The following GALNT10 variants were observed in gnomAD, a reference collection of about 807,000 sequenced individuals.
GALNT10 encodes the protein polypeptide N-acetylgalactosaminyltransferase 10.
In GALNT10, 41 loss-of-function variants were observed where a neutral mutation model predicts 75.0. That is an observed-to-expected ratio of 0.55 (90% CI 0.43 to 0.71). The LOEUF is 0.71. Ranked by LOEUF, GALNT10 falls within the 30% of genes least tolerant of loss-of-function variation. The pLI is 0.00. For missense variants in GALNT10, 727 were observed against 818.5 expected (o/e 0.89, Z 1.36); for synonymous variants, 302 against 313.0 (o/e 0.96, Z 0.37).
At chr5:154,275,672 C>T (rs1753938903) in intron 1 of GALNT10, among the ~76,000 whole-genome samples, 1 of 152,230 alleles carries the variant, frequency 6.6e-6, no homozygotes, top group African/African-American at 2.4e-5. Context: ...ATTCGCATGA[C>T]TGGTGAGGTG....
intron 1 of GALNT10, chr5:154,287,553 A>G (rs1339157258): frequency 6.6e-6 from 1 of 152,020 alleles, no homozygotes; most frequent in Non-Finnish European, 1.5e-5. Flanking sequence ...TATCTATCGA[A>G]TTTATCTGTA....
intron 3 of GALNT10, among the ~76,000 whole-genome samples, chr5:154,300,882 T>C (rs2113082292): frequency 6.6e-6 from 1 of 152,320 alleles, no homozygotes; most frequent in East Asian, 1.9e-4. Flanking sequence ...GGGTGCTATC[T>C]ACAGCCTCTG....
Position 154,416,148 on chromosome 5 carries a change from A to G in GALNT10, c.1653+216A>G, listed in dbSNP as rs1172833630. Among the ~76,000 whole-genome samples, 1 of 152,228 alleles carries G rather than the reference A, an allele frequency of 6.6e-6. No homozygotes were observed. The highest frequency in any genetic ancestry group is 1.5e-5 in the Non-Finnish European group (1 of 68,042). The stretch of plus-strand genomic sequence containing the variant: ...TGTTGGCAACTGATTCCATTTAAAA[A>G]GAAAAGTGCAGCCGGGCACAGTGGC... On this transcript the variant is annotated intron_variant, in intron 11 of 11. Transcript: ENST00000297107. This position sits in a 1 kb window ranked among gnomAD's most constrained non-coding sequence, Gnocchi z 4.5.
chr5:154,314,187 A>G (rs1754566017), intron 3 of GALNT10, among the ~76,000 whole-genome samples: 1 of 152,102 alleles, frequency 6.6e-6, no homozygotes, highest in African/African-American at 2.4e-5. Context: ...GGAAGGATGT[A>G]TTTTACCCAA....
At chr5:154,385,806 C>CTGAG (rs1755799225) in intron 6 of GALNT10, among the ~76,000 whole-genome samples, 1 of 152,238 alleles carries the variant, frequency 6.6e-6, no homozygotes, top group South Asian at 2.1e-4. Flanking sequence ...TGCTGGCCTA[C>CTGAG]TGAGTAATAG....
At chr5:154,307,211 A>G (rs1423654910) in intron 3 of GALNT10, among the ~76,000 whole-genome samples, 2 of 152,260 alleles carry the variant, frequency 1.3e-5, no homozygotes, top group Admixed American at 6.5e-5. Context: ...ATCAACCTGA[A>G]TAGTCCTATA....
intron 1 of GALNT10, among the ~76,000 whole-genome samples, chr5:154,223,141 G>A (rs1467457780): frequency 6.6e-6 from 1 of 152,188 alleles, no homozygotes; most frequent in Non-Finnish European, 1.5e-5. Flanking sequence ...GGAAGGAAAG[G>A]TACAGACATA....
chr5:154,364,540 G>A (rs141270137), intron 4 of GALNT10, among the ~76,000 whole-genome samples: 19 of 152,266 alleles, frequency 1.2e-4, no homozygotes, highest in African/African-American at 4.3e-4. Context: ...GGTGGTTGAA[G>A]GAGGTCGTAA....
Position 154,191,044 on chromosome 5 carries a change from A to T in GALNT10, c.159+19A>T. On this transcript the variant is annotated intron_variant, in intron 1 of 11. Transcript: ENST00000297107. ...GGGACAGGTGAGTCCCCCCGTTGCT[A>T]CAGGCCGGGAACACCCCCTTCCCGA... is the stretch of plus-strand genomic sequence containing the variant. 7.2e-7 allele frequency: 1 copy of T among 1,394,288 alleles called. No homozygotes were observed. Among genetic ancestry groups the T allele is most frequent in the Non-Finnish European group, 9.4e-7 (1 of 1,062,386 alleles). 86.4% of individuals were successfully genotyped at this position (1,394,288 alleles called of 1,614,324 possible).
intron 1 of GALNT10, among the ~76,000 whole-genome samples, chr5:154,290,258 ATTTTTTTTT>A (rs71577131): frequency 2.4e-4 from 24 of 98,916 alleles, no homozygotes; most frequent in African/African-American, 6.1e-4. Context: ...CACTCAGCTA[ATTTTTTTTT>A]TTTTTTTTTT....
At chr5:154,297,823 C>G (rs1468960638) in intron 2 of GALNT10, 118 bp from the exon 3 acceptor site, 3 of 897,302 alleles carry the variant, frequency 3.3e-6, no homozygotes, top group Non-Finnish European at 1.7e-6. Context: ...GAGCTATGCT[C>G]TATATCCAAA....
At chr5:154,345,526 A>G (rs1405011455) in intron 4 of GALNT10, among the ~76,000 whole-genome samples, 1 of 150,994 alleles carries the variant, frequency 6.6e-6, no homozygotes, top group Non-Finnish European at 1.5e-5. Context: ...GATTCCTCAT[A>G]TGAGTGAGAT....
intron 1 of GALNT10, among the ~76,000 whole-genome samples, chr5:154,202,459 A>G (rs1434984322): frequency 6.6e-6 from 1 of 152,204 alleles, no homozygotes; most frequent in Non-Finnish European, 1.5e-5. Context: ...TGCCCATCTC[A>G]GTTCATCAGC....
chr5:154,331,127 C>G (rs1395121812), intron 4 of GALNT10, among the ~76,000 whole-genome samples: 2 of 152,102 alleles, frequency 1.3e-5, no homozygotes, highest in Non-Finnish European at 1.5e-5. Context: ...ACTAGACTGT[C>G]TATTTTGATT....
chr5:154,289,317 G>A (rs1294956474), intron 1 of GALNT10, among the ~76,000 whole-genome samples: 1 of 152,104 alleles, frequency 6.6e-6, no homozygotes, highest in African/African-American at 2.4e-5. Flanking sequence ...GGCTCCACCT[G>A]CCCAGGAAGT....
Position 154,191,030 on chromosome 5 carries a change from G to A in GALNT10, c.159+5G>A. ...GTGGCGCCGGCGGCGGGACAGGTGA[G>A]TCCCCCCGTTGCTACAGGCCGGGAA... is the stretch of plus-strand genomic sequence containing the variant. On this transcript the variant is annotated splice_donor_5th_base_variant and intron_variant, in intron 1 of 11. Transcript: ENST00000297107. The A allele has an allele frequency of 7.0e-7, 1 of 1,421,302 alleles. No individual in the cohort carries two copies. The highest frequency in any genetic ancestry group is 9.3e-7 in the Non-Finnish European group (1 of 1,079,162). The allele number at this position is 1,421,302 out of a possible 1,614,324, so 88.0% of individuals were successfully genotyped here. A position where few individuals can be genotyped will look rare whatever the true frequency, so the allele number is the denominator to read the frequency against.
At position 154,243,230 on chromosome 5, in the gene GALNT10, A is replaced by G. The variant is rs78792970; in HGVS notation, c.160-51586A>G. Among the ~76,000 whole-genome samples, 66 of 152,354 alleles carry G rather than the reference A, an allele frequency of 4.3e-4. No homozygotes were observed. The East Asian group carries it at 0.012, about 28-fold the overall frequency. ...CAGTGTGCCTGGTACACTGTCATTGATGGTATCACTGTATCCTCCCTCGGG... is the reference window on the plus strand; with the variant it reads ...CAGTGTGCCTGGTACACTGTCATTGGTGGTATCACTGTATCCTCCCTCGGG... On this transcript the variant is annotated intron_variant, in intron 1 of 11. Coordinates refer to ENST00000297107, the MANE Select transcript of GALNT10 (RefSeq NM_198321.4).
At chr5:154,370,810 T>C (rs1755552118) in intron 4 of GALNT10, among the ~76,000 whole-genome samples, 1 of 152,138 alleles carries the variant, frequency 6.6e-6, no homozygotes, top group Admixed American at 6.5e-5. Context: ...CTGCTCGAAC[T>C]GCTACAAACA....
chr5:154,344,113 C>A (rs1406656821), intron 4 of GALNT10, among the ~76,000 whole-genome samples: 3 of 152,124 alleles, frequency 2.0e-5, no homozygotes, highest in Non-Finnish European at 4.4e-5. Context: ...CTATGCTCAT[C>A]TTCCCATGGC....
Sources: gnomAD v4.1 joint callset for allele counts (sites outside exome capture counted in the v4.1 genomes callset) on GRCh38, gnomAD v4.1.1 for gene constraint, Gnocchi (gnomAD v3.1) non-coding constraint, MANE v1.5 for transcripts, NCBI Gene and HGNC (gene_info 2026-07-23, HGNC 2026-07-21) for gene names.